Variants in AVEN observed in about 807,000 individuals in gnomAD.
AVEN encodes the protein apoptosis and caspase activation inhibitor.
In AVEN, 41 loss-of-function variants were observed where a neutral mutation model predicts 38.1. The ratio of observed to expected loss-of-function variants is 1.08; its 90% CI spans 0.84 to 1.40. AVEN has a LOEUF of 1.40. AVEN is among the 40% of genes most tolerant of loss of function. The probability of loss-of-function intolerance (pLI) is 0.00; values close to 1 mark genes in which losing one functional copy is unlikely to be tolerated. For synonymous variants in AVEN, 206 were observed against 171.8 expected (o/e 1.20, Z -1.56); for missense variants, 605 against 438.8 (o/e 1.38, Z -3.38).
intron 2 of AVEN, among the ~76,000 whole-genome samples, chr15:33,921,212 C>T (rs576362690): frequency 2.2e-4 from 34 of 152,314 alleles, no homozygotes; most frequent in Non-Finnish European, 4.6e-4. Flanking sequence ...CAACACATAG[C>T]TCAAGCTCCT....
chr15:33,863,133 C>A (rs1597131683), downstream of AVEN, among the ~76,000 whole-genome samples: 1 of 152,110 alleles, frequency 6.6e-6, no homozygotes, highest in South Asian at 2.1e-4. Context: ...GGTCTCTTTC[C>A]TATCTCTATC....
At chr15:34,022,453 A>G (rs554008120) in intron 1 of AVEN, among the ~76,000 whole-genome samples, 51 of 152,314 alleles carry the variant, frequency 3.3e-4, no homozygotes, top group African/African-American at 1.0e-3. Flanking sequence ...CAGAAGGGAG[A>G]AAGCTTTTAC....
Position 33,876,007 on chromosome 15 carries a change from A to AG in AVEN, c.446-13_446-12insC. The AG allele has an allele frequency of 3.3e-6, 2 of 615,102 alleles. No homozygotes were observed. The highest frequency in any genetic ancestry group is 4.4e-6 in the Non-Finnish European group (2 of 452,632). 38.1% of individuals were successfully genotyped at this position (615,102 alleles called of 1,614,324 possible). A position where few individuals can be genotyped will look rare whatever the true frequency, so the allele number is the denominator to read the frequency against. ...TGAGAATGAGTCCCCTAGGAATAGG[A>AG]AAAAAAAAAAAATTTATGCAAAAGC... On this transcript the variant is annotated splice_polypyrimidine_tract_variant and intron_variant, in intron 2 of 5. Transcript: ENST00000306730.
chr15:34,068,120 A>G (rs146552591), intron 2 of AVEN, among the ~76,000 whole-genome samples: 5 of 150,398 alleles, frequency 3.3e-5, no homozygotes, highest in South Asian at 4.2e-4. Context: ...CTCTCTCTGT[A>G]TGTGTGTGTG....
intron 2 of AVEN, among the ~76,000 whole-genome samples, chr15:33,886,169 C>A (rs1891690189): frequency 6.6e-6 from 1 of 152,140 alleles, no homozygotes; most frequent in Non-Finnish European, 1.5e-5. Context: ...TTGGCTCTGT[C>A]CCCACCCAAA....
intron 1 of AVEN, among the ~76,000 whole-genome samples, chr15:34,008,483 C>CTTT (rs200355232): frequency 3.1e-4 from 37 of 119,242 alleles, no homozygotes; most frequent in African/African-American, 1.3e-3. Flanking sequence ...GATGAAAAAC[C>CTTT]TTTTTTTTTT....
Position 34,063,018 on chromosome 15 carries a change from C to T in AVEN, n.1541G>A. On this transcript the variant is annotated non_coding_transcript_exon_variant, in exon 5 of 12. Coordinates refer to the AVEN transcript ENST00000675287. The surrounding 1 kb of genome is among the most constrained non-coding windows in gnomAD (Gnocchi z 4.1). ...CATGGGACGCTGGGCTCTCGGGAGT[C>T]TGGCTTGTGACCTTTGGCTTGCACT... is the stretch of plus-strand genomic sequence containing the variant. The T allele has an allele frequency of 6.2e-7, 1 of 1,614,268 alleles. No individual in the cohort carries two copies. The highest frequency in any genetic ancestry group is 8.5e-7 in the Non-Finnish European group (1 of 1,180,046).
chr15:34,074,944 C>A (rs565649323), exon 1 of AVEN, among the ~76,000 whole-genome samples: 1 of 151,916 alleles, frequency 6.6e-6, no homozygotes, highest in Non-Finnish European at 1.5e-5. Context: ...TTTGGGAGGC[C>A]GAGGAGGGCA....
intron 2 of AVEN, among the ~76,000 whole-genome samples, chr15:33,995,759 G>A (rs556372081): frequency 5.9e-5 from 9 of 152,334 alleles, no homozygotes; most frequent in South Asian, 2.1e-4. Flanking sequence ...AGCTCCCAGC[G>A]TGATCAATGC....
At chr15:33,917,615 T>C (rs188077707) in intron 2 of AVEN, among the ~76,000 whole-genome samples, 1,931 of 150,870 alleles carry the variant, frequency 0.013, 27 homozygotes, top group Non-Finnish European at 0.021. Flanking sequence ...ACATGGAATA[T>C]ACATATATAT....
chr15:33,902,570 A>C (rs954181539), intron 2 of AVEN, among the ~76,000 whole-genome samples: 2 of 152,230 alleles, frequency 1.3e-5, no homozygotes, highest in African/African-American at 4.8e-5. Context: ...TGGAAATACT[A>C]GCAAAGGCAA....
chr15:33,913,166 G>A (rs1248906422), intron 2 of AVEN, among the ~76,000 whole-genome samples: 10 of 152,146 alleles, frequency 6.6e-5, no homozygotes, highest in African/African-American at 2.4e-4. Context: ...AGGGATTACA[G>A]GCATGTGCCA....
chr15:33,977,117 A>G (rs960926260), intron 2 of AVEN, among the ~76,000 whole-genome samples: 4 of 152,240 alleles, frequency 2.6e-5, no homozygotes, highest in African/African-American at 9.6e-5. Context: ...AGGAAGGTTG[A>G]AAGGCTGTCT....
downstream of AVEN, chr15:33,856,488 T>G (rs549992348): frequency 2.6e-5 from 4 of 152,416 alleles, no homozygotes; most frequent in East Asian, 7.7e-4. Context: ...CCTAGGACAC[T>G]GCAAAGGGCC....
chr15:34,070,740 G>A (rs113210892), intron 1 of AVEN, among the ~76,000 whole-genome samples: 29 of 152,288 alleles, frequency 1.9e-4, no homozygotes, highest in African/African-American at 7.0e-4. Context: ...GAACAACTCT[G>A]GAGACACTAA....
At chr15:33,966,806 A>G (rs1895405199) in intron 2 of AVEN, among the ~76,000 whole-genome samples, 1 of 152,196 alleles carries the variant, frequency 6.6e-6, no homozygotes, top group Non-Finnish European at 1.5e-5. Context: ...TTTACCAGAA[A>G]GGAGCTAGGA....
intron 2 of AVEN, among the ~76,000 whole-genome samples, chr15:33,878,334 AAG>A (rs1479778731): frequency 6.6e-6 from 1 of 152,184 alleles, no homozygotes; most frequent in African/African-American, 2.4e-5. Flanking sequence ...ATAAGAACAG[AAG>A]AGTGTCTAGA....
intron 1 of AVEN, among the ~76,000 whole-genome samples, chr15:34,030,530 T>C (rs1898735758): frequency 6.6e-6 from 1 of 152,012 alleles, no homozygotes; most frequent in African/African-American, 2.4e-5. Flanking sequence ...GTATTTTTAG[T>C]AGAGACAGGG....
intron 2 of AVEN, among the ~76,000 whole-genome samples, chr15:33,984,962 C>G (rs975699770): frequency 2.0e-5 from 3 of 152,038 alleles, no homozygotes; most frequent in Non-Finnish European, 2.9e-5. Flanking sequence ...AATATTTTCA[C>G]CTCAAGAGCA....
Sources: gnomAD v4.1 joint callset for allele counts (sites outside exome capture counted in the v4.1 genomes callset) on GRCh38, gnomAD v4.1.1 for gene constraint, Gnocchi (gnomAD v3.1) non-coding constraint, MANE v1.5 for transcripts, NCBI Gene and HGNC (gene_info 2026-07-23, HGNC 2026-07-21) for gene names.